The following KCNG3 variants were observed in gnomAD, a reference collection of about 807,000 sequenced individuals.
KCNG3 encodes voltage-gated potassium channel regulatory subunit KCNG3.
In KCNG3, 15 loss-of-function variants were observed where a neutral mutation model predicts 29.0. The observed-to-expected ratio is 0.52, with a 90% confidence interval of 0.35 to 0.80. The LOEUF is 0.80. Among genes scored for constraint, KCNG3 ranks in the 30% least tolerant of loss-of-function variants. KCNG3 has a pLI of 0.01. For missense variants in KCNG3, 512 were observed against 605.7 expected, an observed-to-expected ratio of 0.85 and a Z score of 1.62; for synonymous variants, 322 against 248.9, an observed-to-expected ratio of 1.29 and a Z score of -2.76.
intron 1 of KCNG3, among the ~76,000 whole-genome samples, chr2:42,486,487 T>A (rs993466463): frequency 1.3e-5 from 2 of 152,218 alleles, no homozygotes; most frequent in Non-Finnish European, 2.9e-5. Flanking sequence ...CTGTCACATT[T>A]GGAAGAAAAT....
At chr2:42,417,100 A>T in the KCNG3 span, among the ~76,000 whole-genome samples, 2 of 151,722 alleles carry the variant, frequency 1.3e-5, no homozygotes, top group Non-Finnish European at 2.9e-5. Flanking sequence ...AAAATTAACC[A>T]GGTGTGATGG....
At chr2:42,439,293 CCT>C (rs1672427175), downstream of KCNG3, among the ~76,000 whole-genome samples, 4 of 150,194 alleles carry the variant, frequency 2.7e-5, no homozygotes, top group East Asian at 5.8e-4. Context: ...AGAGAGTTTC[CCT>C]CTGTCACCCA....
At chr2:42,423,284 A>T in the KCNG3 span, among the ~76,000 whole-genome samples, 1 of 152,160 alleles carries the variant, frequency 6.6e-6, no homozygotes, top group East Asian at 1.9e-4. Context: ...AATGGGTCCC[A>T]CTGTCCCCAG....
downstream of KCNG3, among the ~76,000 whole-genome samples, chr2:42,438,434 T>C (rs1201458225): frequency 6.6e-6 from 1 of 152,202 alleles, no homozygotes; most frequent in Non-Finnish European, 1.5e-5. Context: ...CCTTCAGATA[T>C]AAATAACATA....
At chr2:42,445,930 T>A (rs530200885) in intron 1 of KCNG3, among the ~76,000 whole-genome samples, 1 of 152,112 alleles carries the variant, frequency 6.6e-6, no homozygotes, top group South Asian at 2.1e-4. Context: ...TTTCACCATT[T>A]TGGCCAGGCT....
intron 1 of KCNG3, among the ~76,000 whole-genome samples, chr2:42,490,001 A>G (rs372806891): frequency 6.6e-6 from 1 of 152,174 alleles, no homozygotes; most frequent in Non-Finnish European, 1.5e-5. Context: ...CACATGTACC[A>G]CATGTACTAC....
intron 1 of KCNG3, among the ~76,000 whole-genome samples, chr2:42,449,271 A>C (rs945703856): frequency 1.1e-4 from 16 of 151,682 alleles, no homozygotes; most frequent in African/African-American, 3.6e-4. Context: ...TTGGGGGAAA[A>C]AACAAAATCT....
chr2:42,391,592 T>A, the KCNG3 span, among the ~76,000 whole-genome samples: 1 of 141,278 alleles, frequency 7.1e-6, no homozygotes, highest in Non-Finnish European at 1.5e-5. Flanking sequence ...ACATTTTATA[T>A]CTCTTTTTTT....
chr2:42,452,340 T>C (rs566105565), intron 1 of KCNG3, among the ~76,000 whole-genome samples: 1 of 150,688 alleles, frequency 6.6e-6, no homozygotes, highest in Non-Finnish European at 1.5e-5. Context: ...CAAATTCACC[T>C]AAAGCATTTA....
At chr2:42,459,254 G>A (rs932419573) in intron 1 of KCNG3, among the ~76,000 whole-genome samples, 15 of 150,422 alleles carry the variant, frequency 1.0e-4, no homozygotes, top group African/African-American at 3.4e-4. Flanking sequence ...ATGGTTTTAT[G>A]ACCCCCCAGA....
the KCNG3 span, among the ~76,000 whole-genome samples, chr2:42,391,688 C>T: frequency 9.6e-4 from 138 of 144,356 alleles, 3 homozygotes; most frequent in South Asian, 0.018. Flanking sequence ...CTGCAAGCTC[C>T]GCCTCCCGGG....
intron 1 of KCNG3, among the ~76,000 whole-genome samples, chr2:42,490,524 C>T (rs764733780): frequency 6.6e-6 from 1 of 152,238 alleles, no homozygotes; most frequent in African/African-American, 2.4e-5. Flanking sequence ...CTCCACCACC[C>T]TGAAGGCCTT....
intron 1 of KCNG3, among the ~76,000 whole-genome samples, chr2:42,477,386 T>TAC (rs1198473558): frequency 4.0e-4 from 41 of 103,402 alleles, no homozygotes; most frequent in African/African-American, 1.1e-3. Flanking sequence ...CACACATATA[T>TAC]ATACACACAC....
chr2:42,489,907 C>T (rs1280107168), intron 1 of KCNG3, among the ~76,000 whole-genome samples: 3 of 152,202 alleles, frequency 2.0e-5, no homozygotes, highest in Non-Finnish European at 4.4e-5. Flanking sequence ...ACCACAAAGC[C>T]ATCCAAGCTC....
chr2:42,486,395 C>T (rs552800815), intron 1 of KCNG3, among the ~76,000 whole-genome samples: 5 of 152,090 alleles, frequency 3.3e-5, no homozygotes, highest in African/African-American at 1.2e-4. Context: ...CTGCTGTTGA[C>T]CCTCCCTTCA....
At chr2:42,470,557 G>A (rs758905316) in intron 1 of KCNG3, among the ~76,000 whole-genome samples, 2 of 152,080 alleles carry the variant, frequency 1.3e-5, no homozygotes, top group Non-Finnish European at 2.9e-5. Flanking sequence ...CAGTACCTAG[G>A]ATGTATAATC....
At chr2:42,446,398 C>G (rs1350715246) in intron 1 of KCNG3, among the ~76,000 whole-genome samples, 2 of 152,000 alleles carry the variant, frequency 1.3e-5, no homozygotes, top group African/African-American at 4.8e-5. Context: ...AGGCTGGTCT[C>G]AGACTTCTGA....
At chr2:42,455,269 T>C (rs796650906) in intron 1 of KCNG3, among the ~76,000 whole-genome samples, 3 of 152,268 alleles carry the variant, frequency 2.0e-5, no homozygotes, top group African/African-American at 7.2e-5. Context: ...GCCCAGCAAG[T>C]TGGACTGCTC....
At position 42,444,498 on chromosome 2, in the gene KCNG3, A is replaced by G. The variant is rs1461748142; in HGVS notation, c.747T>C (p.Phe249=). Residue 249 remains phenylalanine (F), a synonymous_variant, in exon 2 of 2, where the codon TTT becomes TTC. Transcript: ENST00000306078. This position sits in a 1 kb window ranked among gnomAD's most constrained non-coding sequence, Gnocchi z 5.8. The part of the protein sequence containing the change: ...RFIVSKNKCE[F]VKRPLNIIDL... ...CAATGATGTTCAGGGGTCTCTTGAC[A>G]AACTCACACTTGTTTTTGGAGACAA... 2 of 1,614,240 alleles carry G rather than the reference A, an allele frequency of 1.2e-6. No individual in the cohort carries two copies. The highest frequency in any genetic ancestry group is 8.5e-7 in the Non-Finnish European group (1 of 1,180,048).
Sources: gnomAD v4.1 joint callset for allele counts (sites outside exome capture counted in the v4.1 genomes callset) on GRCh38, gnomAD v4.1.1 for gene constraint, Gnocchi (gnomAD v3.1) non-coding constraint, MANE v1.5 for transcripts, NCBI Gene and HGNC (gene_info 2026-07-23, HGNC 2026-07-21) for gene names.